ZNF587: variants seen among roughly 807,000 people sequenced by gnomAD.
ZNF587 encodes zinc finger protein 587, also known as zinc finger protein zfp6.
ZNF587 carries 8 observed loss-of-function variants against 7.5 expected under a neutral mutation model. The ratio of observed to expected loss-of-function variants is 1.06; its 90% confidence interval spans 0.62 to 1.92. The LOEUF is 1.92. ZNF587 is among the 40% of genes most tolerant of loss of function. ZNF587 has a pLI of 0.00. For synonymous variants in ZNF587, 145 were observed against 237.8 expected (o/e 0.61, Z 3.59); for missense variants, 468 against 692.8 (o/e 0.68, Z 3.64).
chr19:57,864,065 C>T lies in ZNF587; in HGVS notation c.*3925C>T, dbSNP rs1468297255. Reference sequence around the variant, plus strand: ...TCAAAAAAAAAAAAAAAACTCAATCCATAAATGTTATACTTTATAACTTTA... The same window carrying T: ...TCAAAAAAAAAAAAAAAACTCAATCTATAAATGTTATACTTTATAACTTTA... On this transcript the variant is annotated 3_prime_UTR_variant, in exon 3 of 3. Transcript: ENST00000339656. 1.3e-5 allele frequency: 2 copies of T among 150,364 alleles called. No individual in the cohort carries two copies. The highest frequency in any genetic ancestry group is 3.0e-5 in the Non-Finnish European group (2 of 67,704). 9.3% of individuals were successfully genotyped at this position (150,364 alleles called of 1,614,324 possible).
chr19:57,853,125 T>C (rs2122312137), intron 1 of ZNF587, among the ~76,000 whole-genome samples: 1 of 152,278 alleles, frequency 6.6e-6, no homozygotes, highest in East Asian at 1.9e-4. Context: ...AGTGCTGGGA[T>C]TATAGGCACG....
In ZNF587 at chr19:57,858,593, A is replaced by C; in HGVS notation, c.181A>C (p.Lys61Gln). 2 of 1,597,326 alleles carry C rather than the reference A, an allele frequency of 1.3e-6. No individual in the cohort carries two copies. The highest frequency in any genetic ancestry group is 1.7e-6 in the Non-Finnish European group (2 of 1,171,034). The change falls in exon 3 of 3, where the codon AAA becomes CAA. Residue 61 changes from lysine (K) to glutamine (Q), a missense_variant. By Grantham distance (53) the Lys-to-Gln change is moderately conservative. This residue lies in a region of ZNF587 where 92 missense variants were observed against 89.7 expected (regional missense o/e 1.03). Transcript: ENST00000339656. The part of the protein sequence containing the change: ...ISSLGCWCGS[K>Q]DEEAPCKQRI... ...GCTTTCAGGTTGTTGGTGTGGATCA[A>C]AAGATGAGGAGGCACCTTGTAAGCA...
In ZNF587 at chr19:57,859,574, T is replaced by A; in HGVS notation, c.1162T>A (p.Ser388Thr). Residue 388 changes from serine to threonine, a missense_variant, in exon 3 of 3, where the codon TCT becomes ACT. By Grantham distance (58) the Ser-to-Thr change is moderately conservative. Transcript: ENST00000339656. ...RPYKCGECGKSFGQKGNLVHH... is the reference protein window; with the variant it reads ...RPYKCGECGKTFGQKGNLVHH... The stretch of plus-strand genomic sequence containing the variant: ...TTACAAGTGTGGAGAATGTGGGAAA[T>A]CTTTTGGTCAAAAGGGCAACCTCGT... 1 of 1,614,044 alleles carries A rather than the reference T, an allele frequency of 6.2e-7. No homozygotes were observed. The highest frequency in any genetic ancestry group is 8.5e-7 in the Non-Finnish European group (1 of 1,180,014).
In ZNF587 at chr19:57,857,484, T is replaced by C. The variant is rs2071373572; in HGVS notation, c.164-1092T>C. Among the ~76,000 whole-genome samples, 3 of 152,116 alleles carry C rather than the reference T, an allele frequency of 2.0e-5. No individual in the cohort carries two copies. In the South Asian group the frequency reaches 6.2e-4, roughly 31 times the overall value. On this transcript the variant is annotated intron_variant, in intron 2 of 2. Coordinates refer to ENST00000339656, the MANE Select transcript of ZNF587 (RefSeq NM_032828.4). The stretch of plus-strand genomic sequence containing the variant: ...TGCAGTTGTCTCTGATATTGGTGTA[T>C]TGATTACGTATTAGGAAGTGTATGC...
intron 1 of ZNF587, chr19:57,852,242 C>G (rs1310429987): frequency 2.5e-6 from 1 of 397,748 alleles, no homozygotes; most frequent in Non-Finnish European, 4.4e-6. Flanking sequence ...TTTCTGTCAA[C>G]CAATGTAAAC....
chr19:57,858,415 C>T, intron 2 of ZNF587, 161 bp from the exon 3 acceptor site: 1 of 1,428,022 alleles, frequency 7.0e-7, no homozygotes. Flanking sequence ...GTGTGAGCCA[C>T]CATGCCCAGC....
rs150514708 is a variant in ZNF587, at chr19:57,854,273, A to G, written c.34-1831A>G. Among the ~76,000 whole-genome samples, 1,154 of 152,132 alleles carry G rather than the reference A, an allele frequency of 7.6e-3. 7 individuals are homozygous for G. Among genetic ancestry groups the G allele is most frequent in the Non-Finnish European group, 0.013 (898 of 68,026 alleles). On this transcript the variant is annotated intron_variant, in intron 1 of 2. Coordinates refer to ENST00000339656, the MANE Select transcript of ZNF587 (RefSeq NM_032828.4). ...CTGAGGTCTCAGCTGGTGCAGCACAAAAGTGAAATAGGGCCATGGCTATCT... is the reference window on the plus strand; with the variant it reads ...CTGAGGTCTCAGCTGGTGCAGCACAGAAGTGAAATAGGGCCATGGCTATCT...
intron 2 of ZNF587, 121 bp from the exon 3 acceptor site, chr19:57,858,455 C>T: frequency 6.8e-7 from 1 of 1,472,394 alleles, no homozygotes; most frequent in East Asian, 2.3e-5. Context: ...TTGAAGCCAA[C>T]ATTGTGTTCC....
At chr19:57,852,524 G>A (rs1017744071) in intron 1 of ZNF587, 28 of 396,204 alleles carry the variant, frequency 7.1e-5, no homozygotes, top group Middle Eastern at 1.3e-3. Context: ...GAGACAGCTA[G>A]GTTTTCTTTT....
chr19:57,849,863 G>A lies in ZNF587; in HGVS notation c.-176G>A. ...GCCGAGACTTCCGGGGTCTCTAGTA[G>A]CGGCTGTGTATCGGCGATGCGGGTG... is the stretch of plus-strand genomic sequence containing the variant. On this transcript the variant is annotated 5_prime_UTR_variant, in exon 1 of 3. Transcript: ENST00000339656. 6 of 1,480,204 alleles carry A rather than the reference G, an allele frequency of 4.1e-6. No homozygotes were observed. The highest frequency in any genetic ancestry group is 5.4e-6 in the Non-Finnish European group (6 of 1,115,050). 91.7% of individuals were successfully genotyped at this position (1,480,204 alleles called of 1,614,324 possible). A position where few individuals can be genotyped will look rare whatever the true frequency, so the allele number is the denominator to read the frequency against.
In ZNF587 at chr19:57,859,034, G is replaced by T. The variant is rs199586956; in HGVS notation, c.622G>T (p.Gly208Ter). 227 of 1,612,256 alleles carry T rather than the reference G, an allele frequency of 1.4e-4. No individual in the cohort carries two copies. The highest frequency in any genetic ancestry group is 1.6e-4 in the Middle Eastern group (1 of 6,066). The change falls in exon 3 of 3, where the codon GGA (glycine) becomes TGA (stop). Residue 208 changes from glycine to a stop codon, truncating the protein, a stop_gained. Coordinates refer to ENST00000339656, the MANE Select transcript of ZNF587 (RefSeq NM_032828.4). LOFTEE classifies it low-confidence loss of function (END_TRUNC). Reference sequence around the variant, plus strand: ...TATGCATGGCCCACCCTTTCAGGAGGGAAAAACTAATTACAGTTGTGGAAA... The same window carrying T: ...TATGCATGGCCCACCCTTTCAGGAGTGAAAAACTAATTACAGTTGTGGAAA... ...ETMHGPPFQE[G>*]KTNYSCGKRT...
chr19:57,850,060 C>T lies in ZNF587; in HGVS notation c.22C>T (p.Arg8Cys), dbSNP rs757343887. Residue 8 changes from arginine (R) to cysteine (C), a missense_variant, in exon 1 of 3, where the codon CGC becomes TGC. Arg to Cys is a radical substitution (Grantham distance 180). Transcript: ENST00000339656. ...TCCGATGGCAGCGGCTGTGCCGAGGCGCCCAACTCAGGTAATTGTGGTGCC... is the reference window on the plus strand; with the variant it reads ...TCCGATGGCAGCGGCTGTGCCGAGGTGCCCAACTCAGGTAATTGTGGTGCC... MAAAVPRRPTQQGTVTFE... is the reference protein window; with the variant it reads MAAAVPRCPTQQGTVTFE... The T allele has an allele frequency of 6.8e-6, 11 of 1,614,158 alleles. No individual in the cohort carries two copies. The highest frequency in any genetic ancestry group is 1.1e-5 in the South Asian group (1 of 91,092).
chr19:57,860,289 G>C lies in ZNF587; in HGVS notation c.*149G>C. On this transcript the variant is annotated 3_prime_UTR_variant, in exon 3 of 3. Transcript: ENST00000339656. ...TCGGTCTTAAGCGACTTCGTGTTGA[G>C]ATGGAGTCTTGTTCTGTCACCCAGG... 1 of 1,464,846 alleles carries C rather than the reference G, an allele frequency of 6.8e-7. No homozygotes were observed. The highest frequency in any genetic ancestry group is 9.3e-7 in the Non-Finnish European group (1 of 1,070,776). 90.7% of individuals were successfully genotyped at this position (1,464,846 alleles called of 1,614,324 possible).
At position 57,864,001 on chromosome 19, in the gene ZNF587, C is replaced by T. The variant is rs2122378782; in HGVS notation, c.*3861C>T. 6.7e-6 allele frequency: 1 copy of T among 148,578 alleles called. No homozygotes were observed. Among genetic ancestry groups the T allele is most frequent in the African/African-American group, 2.5e-5 (1 of 40,128 alleles). The allele number at this position is 148,578 out of a possible 1,614,324, so 9.2% of individuals were successfully genotyped here. A position where few individuals can be genotyped will look rare whatever the true frequency, so the allele number is the denominator to read the frequency against. Reference sequence around the variant, plus strand: ...GAAGGTGCACTGAGCCAATATCACACCAGTGCACTCCAACCTGGTGACAGA... The same window carrying T: ...GAAGGTGCACTGAGCCAATATCACATCAGTGCACTCCAACCTGGTGACAGA... On this transcript the variant is annotated 3_prime_UTR_variant, in exon 3 of 3. Transcript: ENST00000339656.
In ZNF587 at chr19:57,863,849, C is replaced by A. The variant is rs2122378044; in HGVS notation, c.*3709C>A. On this transcript the variant is annotated 3_prime_UTR_variant, in exon 3 of 3. Coordinates refer to ENST00000339656, the MANE Select transcript of ZNF587 (RefSeq NM_032828.4). ...CACAAGGTCAGGAGTTCAAGACCAC[C>A]CTGGCCAATATTGTGAATTCCTGTC... 6.6e-6 allele frequency: 1 copy of A among 151,414 alleles called. No homozygotes were observed. Among genetic ancestry groups the A allele is most frequent in the Middle Eastern group, 3.4e-3 (1 of 294 alleles). The allele number at this position is 151,414 out of a possible 1,614,324, so 9.4% of individuals were successfully genotyped here.
At chr19:57,855,262 T>C (rs2071337206) in intron 1 of ZNF587, among the ~76,000 whole-genome samples, 1 of 151,898 alleles carries the variant, frequency 6.6e-6, no homozygotes, top group South Asian at 2.1e-4. Context: ...CAAGAATCAC[T>C]TGAACCTGGG....
chr19:57,858,437 TCTTCAA>T, intron 2 of ZNF587, 133 bp from the exon 3 acceptor site: 1 of 1,461,096 alleles, frequency 6.8e-7, no homozygotes, highest in Non-Finnish European at 9.1e-7. Context: ...AGCAGCCCCA[TCTTCAA>T]CTTGAAGCCA....
chr19:57,852,311 C>T (rs2071291015), intron 1 of ZNF587: 3 of 398,556 alleles, frequency 7.5e-6, no homozygotes, highest in African/African-American at 2.1e-5. Flanking sequence ...AGAGATAAAA[C>T]GGATCAAAGT....
Position 57,860,392 on chromosome 19 carries a change from C to T in ZNF587, c.*252C>T. On this transcript the variant is annotated 3_prime_UTR_variant, in exon 3 of 3. Transcript: ENST00000339656. ...CATGCAATCCTCCTACCTCAGCCTCCTGAGTAGCTGGGATTATGAGTACAC... is the reference window on the plus strand; with the variant it reads ...CATGCAATCCTCCTACCTCAGCCTCTTGAGTAGCTGGGATTATGAGTACAC... 1.7e-6 allele frequency: 1 copy of T among 599,478 alleles called. No individual in the cohort carries two copies. Among genetic ancestry groups the T allele is most frequent in the Non-Finnish European group, 2.9e-6 (1 of 347,990 alleles). 37.1% of individuals were successfully genotyped at this position (599,478 alleles called of 1,614,324 possible).
Sources: allele counts gnomAD v4.1 joint callset (sites outside exome capture counted in the v4.1 genomes callset), GRCh38; gene constraint gnomAD v4.1.1; regional missense constraint gnomAD v4.1.1; transcripts MANE v1.5; gene names NCBI Gene and HGNC (gene_info 2026-07-23, HGNC 2026-07-21).